The following ELOC variants were observed in gnomAD, a reference collection of about 807,000 sequenced individuals.
ELOC encodes elongin-C.
For synonymous variants in ELOC, 40 were observed against 51.3 expected (o/e 0.78, Z 0.94); for missense variants, 38 against 139.0 (o/e 0.27, Z 3.65).
chr8:73,953,331 C>A (rs1813901430), intron 3 of ELOC, among the ~76,000 whole-genome samples: 1 of 151,548 alleles, frequency 6.6e-6, no homozygotes, highest in Admixed American at 6.6e-5. Context: ...ACCAAACAAA[C>A]CACCTAAAAC....
chr8:73,947,089 A>G (rs1012291863), intron 3 of ELOC, among the ~76,000 whole-genome samples: 11 of 152,138 alleles, frequency 7.2e-5, no homozygotes, highest in African/African-American at 2.7e-4. Flanking sequence ...CCCAGGTTCA[A>G]GCGATTTTCC....
intron 1 of ELOC, among the ~76,000 whole-genome samples, chr8:73,963,863 G>A (rs1008248821): frequency 1.3e-5 from 2 of 151,912 alleles, no homozygotes; most frequent in African/African-American, 4.8e-5. Flanking sequence ...GAGGCCGAAG[G>A]GGGTGGATCA....
In ELOC at chr8:73,945,432, C is replaced by T. The variant is rs1250010614; in HGVS notation, c.*1198G>A. ...CCGGGCTCAGCCATATTAAGCCAGT[C>T]TCAAATAAGCTGGAGACTTAAGTTT... On this transcript the variant is annotated 3_prime_UTR_variant, in exon 4 of 4. Transcript: ENST00000520242. The T allele has an allele frequency of 1.3e-5, 2 of 152,140 alleles. No individual in the cohort carries two copies. The highest frequency in any genetic ancestry group is 3.8e-4 in the East Asian group (2 of 5,200). The allele number at this position is 152,140 out of a possible 1,614,324, so 9.4% of individuals were successfully genotyped here.
At chr8:73,956,203 C>G in intron 2 of ELOC, 149 bp from the exon 3 acceptor site, 1 of 652,740 alleles carries the variant, frequency 1.5e-6, no homozygotes, top group South Asian at 2.3e-5. Flanking sequence ...CCAGCCTGGT[C>G]AAACAAGCCC....
chr8:73,961,316 C>T (rs1166554608), intron 1 of ELOC, among the ~76,000 whole-genome samples: 1 of 152,110 alleles, frequency 6.6e-6, no homozygotes, highest in Non-Finnish European at 1.5e-5. Flanking sequence ...AGAGAAGGGT[C>T]AAGAAAATGA....
intron 3 of ELOC, among the ~76,000 whole-genome samples, chr8:73,955,312 T>C (rs1814088106): frequency 1.3e-5 from 2 of 151,634 alleles, no homozygotes; most frequent in Non-Finnish European, 1.5e-5. Flanking sequence ...CTACTAAAAA[T>C]ACAAAAGTTA....
At chr8:73,966,732 C>T (rs748206620) in intron 1 of ELOC, among the ~76,000 whole-genome samples, 6 of 151,892 alleles carry the variant, frequency 4.0e-5, no homozygotes, top group Non-Finnish European at 5.9e-5. Context: ...CCTTGACCTC[C>T]CAAAGTGCTG....
At chr8:73,963,872 C>T (rs1290517793) in intron 1 of ELOC, among the ~76,000 whole-genome samples, 3 of 152,038 alleles carry the variant, frequency 2.0e-5, no homozygotes, top group Admixed American at 2.0e-4. Flanking sequence ...GGGGGTGGAT[C>T]ACCTGAGGTC....
chr8:73,957,332 C>T (rs1026927096), intron 2 of ELOC, among the ~76,000 whole-genome samples: 1 of 152,254 alleles, frequency 6.6e-6, no homozygotes, highest in African/African-American at 2.4e-5. Flanking sequence ...TGCTGCTGTA[C>T]TGGCTTCAGT....
intron 3 of ELOC, among the ~76,000 whole-genome samples, chr8:73,954,593 A>G (rs1286875506): frequency 6.6e-6 from 1 of 151,206 alleles, no homozygotes; most frequent in Non-Finnish European, 1.5e-5. Flanking sequence ...CGAAGGTTGC[A>G]GTGAGCCGAG....
At chr8:73,971,981 G>A (rs1332218457) in intron 1 of ELOC, 96 bp downstream of exon 1, 1 of 152,316 alleles carries the variant, frequency 6.6e-6, no homozygotes, top group Non-Finnish European at 1.5e-5. Context: ...TAGAAGGGAA[G>A]GGGTGGGAAG....
intron 1 of ELOC, among the ~76,000 whole-genome samples, chr8:73,965,030 A>C (rs1306477981): frequency 2.1e-5 from 3 of 141,786 alleles, no homozygotes; most frequent in African/African-American, 5.3e-5. Flanking sequence ...TGTCTCAAAA[A>C]CAAACCAAAA....
intron 3 of ELOC, among the ~76,000 whole-genome samples, chr8:73,953,739 T>C (rs771182025): frequency 4.0e-5 from 6 of 151,536 alleles, no homozygotes; most frequent in Admixed American, 6.6e-5. Context: ...TAGGACACCG[T>C]TGGTAGAAAT....
chr8:73,967,592 C>T (rs2929505), intron 1 of ELOC, among the ~76,000 whole-genome samples: 13,424 of 151,680 alleles, frequency 0.089, 777 homozygotes, highest in Non-Finnish European at 0.12. Flanking sequence ...CTCAGCCTCC[C>T]GAGTAGCTGG....
intron 2 of ELOC, among the ~76,000 whole-genome samples, chr8:73,956,259 C>G (rs1296480067): frequency 6.6e-6 from 1 of 152,072 alleles, no homozygotes; most frequent in Admixed American, 6.6e-5. Flanking sequence ...GTGGCGCACA[C>G]ATGTAATCTC....
At chr8:73,969,530 T>C (rs1475954623) in intron 1 of ELOC, 1 of 152,236 alleles carries the variant, frequency 6.6e-6, no homozygotes, top group African/African-American at 2.4e-5. Flanking sequence ...CTTTTTGGTA[T>C]TCCTCGAAAT....
chr8:73,956,813 T>C (rs994705087), intron 2 of ELOC, among the ~76,000 whole-genome samples: 3 of 152,210 alleles, frequency 2.0e-5, no homozygotes, highest in African/African-American at 7.2e-5. Context: ...TAAGACTTCT[T>C]TTACTCAGCA....
intron 1 of ELOC, chr8:73,969,439 G>A (rs7013120): frequency 0.23 from 35,523 of 152,060 alleles, 4,461 homozygotes; most frequent in Non-Finnish European, 0.29. Context: ...GTCTCAACTG[G>A]ACATTTGATT....
chr8:73,946,829 CA>C lies in ELOC; in HGVS notation c.149-10del, dbSNP rs1563668282. The C allele has an allele frequency of 2.5e-6, 4 of 1,603,186 alleles. No homozygotes were observed. Among genetic ancestry groups the C allele is most frequent in the Admixed American group, 1.7e-5 (1 of 58,750 alleles). ...GTTCTCAGCAAACTGACCTGTAAAA[CA>C]AAAGAATTATGTATGTTATTGGCTG... On this transcript the variant is annotated splice_polypyrimidine_tract_variant and intron_variant, in intron 3 of 3. Coordinates refer to ENST00000520242, the MANE Select transcript of ELOC (RefSeq NM_005648.4).
Sources: allele counts gnomAD v4.1 joint callset (sites outside exome capture counted in the v4.1 genomes callset), GRCh38; gene constraint gnomAD v4.1.1; transcripts MANE v1.5; gene names NCBI Gene and HGNC (gene_info 2026-07-23, HGNC 2026-07-21).